Variants in PSMD7 observed in about 807,000 individuals in gnomAD.
The protein encoded by PSMD7 is 26S proteasome non-ATPase regulatory subunit 7.
Under a neutral mutation model 36.4 loss-of-function variants are expected in PSMD7, and 13 were observed. That is an observed-to-expected ratio of 0.36 (90% CI 0.23 to 0.57). The LOEUF is 0.57. PSMD7 is among the 20% of genes least tolerant of loss of function. The pLI, the probability that PSMD7 is intolerant of heterozygous loss-of-function variation, is 0.83. For synonymous variants in PSMD7, 186 were observed against 151.0 expected (o/e 1.23, Z -1.70); for missense variants, 298 against 393.6 (o/e 0.76, Z 2.06).
rs977378950 is a variant in PSMD7 at position 74,305,497 on chromosome 16, A to G, written c.739A>G (p.Lys247Glu). The stretch of plus-strand genomic sequence containing the variant: ...AGATGTCAGCCTGCAGGAGTTCGTC[A>G]AGGCCTTTTACCTGAAGACCAATGA... ...LPDVSLQEFV[K>E]AFYLKTNDQM... Residue 247 changes from lysine (K) to glutamate (E), a missense_variant, in exon 7 of 7, where the codon AAG becomes GAG. Physicochemically the swap from Lys to Glu is moderately conservative, Grantham distance 56. Transcript: ENST00000219313. The G allele has an allele frequency of 3.7e-6, 6 of 1,614,046 alleles. No homozygotes were observed. In the African/African-American group the frequency reaches 5.3e-5, roughly 14 times the overall value.
In PSMD7 at chr16:74,300,148, T is replaced by C. The variant is rs1368819083; in HGVS notation, c.108T>C (p.Val36=). 1 of 1,614,124 alleles carries C rather than the reference T, an allele frequency of 6.2e-7. No homozygotes were observed. Among genetic ancestry groups the C allele is most frequent in the East Asian group, 2.2e-5 (1 of 44,902 alleles). The change falls in exon 2 of 7, where the codon GTT becomes GTC. Residue 36 remains valine (V), a synonymous_variant. Transcript: ENST00000219313. ...IGKVGNQKRV[V]GVLLGSWQKK... ...AGGTTGGAAACCAGAAGCGTGTTGT[T>C]GGTGTGCTTTTGGGGTCATGGCAAA...
Position 74,305,532 on chromosome 16 carries a change from G to A in PSMD7, c.774G>A (p.Val258=), listed in dbSNP as rs2034188946. 6.2e-7 allele frequency: 1 copy of A among 1,614,134 alleles called. No homozygotes were observed. The highest frequency in any genetic ancestry group is 2.2e-5 in the East Asian group (1 of 44,886). The change falls in exon 7 of 7, where the codon GTG becomes GTA. Residue 258 remains valine (V), a synonymous_variant. Transcript: ENST00000219313. ...ACCTGAAGACCAATGACCAGATGGTGGTAGTGTACTTGGCCTCGCTGATCC... is the reference window on the plus strand; with the variant it reads ...ACCTGAAGACCAATGACCAGATGGTAGTAGTGTACTTGGCCTCGCTGATCC... ...AFYLKTNDQM[V]VVYLASLIRS...
At chr16:74,301,305 G>C (rs901093095) in intron 3 of PSMD7, among the ~76,000 whole-genome samples, 161 bp downstream of exon 3, 8 of 152,158 alleles carry the variant, frequency 5.3e-5, no homozygotes, top group Non-Finnish European at 4.4e-5. Context: ...AAAAACTAGA[G>C]TAGCAATTTA....
At chr16:74,298,776 A>G (rs1567524903) in intron 1 of PSMD7, among the ~76,000 whole-genome samples, 2 of 152,164 alleles carry the variant, frequency 1.3e-5, no homozygotes, top group Non-Finnish European at 2.9e-5. Flanking sequence ...CGGGAGGCTG[A>G]AGTGAGAAGA....
intron 3 of PSMD7, among the ~76,000 whole-genome samples, 197 bp downstream of exon 3, chr16:74,301,341 G>A (rs576946766): frequency 6.6e-6 from 1 of 152,226 alleles, no homozygotes; most frequent in South Asian, 2.1e-4. Context: ...CCTGGGTTTG[G>A]GTACAAGGGG....
At chr16:74,303,746 C>T (rs897443649) in intron 5 of PSMD7, among the ~76,000 whole-genome samples, 2 of 150,470 alleles carry the variant, frequency 1.3e-5, no homozygotes, top group Non-Finnish European at 3.0e-5. Flanking sequence ...TTTTTTAAGA[C>T]AATCTCACTC....
rs2034146327 is a variant in PSMD7 at position 74,300,392 on chromosome 16, A to C, written c.166+186A>C. ...AGTAAATATTTTAAACTTGCAGGCC[A>C]TGTGGTCTCCACTGCACCTGCTCCT... is the stretch of plus-strand genomic sequence containing the variant. On this transcript the variant is annotated intron_variant, in intron 2 of 6. Coordinates refer to ENST00000219313, the MANE Select transcript of PSMD7 (RefSeq NM_002811.5). 3 of 610,240 alleles carry C rather than the reference A, an allele frequency of 4.9e-6. No individual in the cohort carries two copies. The South Asian group carries it at 5.9e-5, about 12-fold the overall frequency. The allele number at this position is 610,240 out of a possible 1,614,324, so 37.8% of individuals were successfully genotyped here.
At position 74,305,790 on chromosome 16, in the gene PSMD7, G is replaced by A. The variant is rs1189239431; in HGVS notation, c.*57G>A. ...AATTAAAATCTTACAAACTAAATCA[G>A]TGTGCTGCTAGAGGGTTCTTTTTCA... On this transcript the variant is annotated 3_prime_UTR_variant, in exon 7 of 7. Coordinates refer to ENST00000219313, the MANE Select transcript of PSMD7 (RefSeq NM_002811.5). The A allele has an allele frequency of 7.1e-7, 1 of 1,400,566 alleles. No homozygotes were observed. The highest frequency in any genetic ancestry group is 9.3e-7 in the Non-Finnish European group (1 of 1,079,942). The allele number at this position is 1,400,566 out of a possible 1,614,324, so 86.8% of individuals were successfully genotyped here.
Position 74,301,485 on chromosome 16 carries a change from T to C in PSMD7, c.260-70T>C, listed in dbSNP as rs2034154570. 1.3e-5 allele frequency: 15 copies of C among 1,178,590 alleles called. No individual in the cohort carries two copies. The South Asian group carries it at 1.9e-4, about 15-fold the overall frequency. 73.0% of individuals were successfully genotyped at this position (1,178,590 alleles called of 1,614,324 possible). ...TAAAGGACATAACTACTGATGTTCT[T>C]ATCCTTTTTGAGGGAGTTGTATAGA... On this transcript the variant is annotated intron_variant, in intron 3 of 6. Transcript: ENST00000219313.
chr16:74,297,180 C>T (rs949493245), intron 1 of PSMD7, among the ~76,000 whole-genome samples, 192 bp downstream of exon 1: 3 of 152,222 alleles, frequency 2.0e-5, no homozygotes, highest in African/African-American at 7.2e-5. Flanking sequence ...CCTGCCCCAG[C>T]CGCCGCCACT....
At chr16:74,303,591 T>C (rs2034172697) in intron 5 of PSMD7, among the ~76,000 whole-genome samples, 1 of 152,194 alleles carries the variant, frequency 6.6e-6, no homozygotes. Flanking sequence ...AAGCCAACTA[T>C]TCTGATTGCA....
Position 74,305,291 on chromosome 16 carries a change from A to C in PSMD7, c.533A>C (p.Asp178Ala). 6.2e-7 allele frequency: 1 copy of C among 1,606,808 alleles called. No individual in the cohort carries two copies. The highest frequency in any genetic ancestry group is 8.5e-7 in the Non-Finnish European group (1 of 1,175,928). Residue 178 changes from aspartate (D) to alanine (A), a missense_variant and splice_region_variant, in exon 7 of 7, where the codon GAT (aspartate) becomes GCT (alanine). Coordinates refer to ENST00000219313, the MANE Select transcript of PSMD7 (RefSeq NM_002811.5). ...EEVGVEHLLRDIKDTTVGTLS... is the reference protein window; with the variant it reads ...EEVGVEHLLRAIKDTTVGTLS... ...TTTTTAACTGTGGGTTATTACAGAG[A>C]TATCAAAGACACGACGGTGGGCACT...
intron 1 of PSMD7, among the ~76,000 whole-genome samples, chr16:74,299,350 A>C (rs2034137975): frequency 6.6e-6 from 1 of 152,154 alleles, no homozygotes; most frequent in Admixed American, 6.5e-5. Flanking sequence ...AAAATTCTCA[A>C]GTAAAATCTT....
intron 5 of PSMD7, among the ~76,000 whole-genome samples, chr16:74,302,959 G>C (rs889077842): frequency 9.9e-5 from 15 of 152,208 alleles, no homozygotes; most frequent in African/African-American, 4.8e-5. Flanking sequence ...GGAGCTTAGA[G>C]CCAAATGTAT....
chr16:74,299,883 T>TA, intron 1 of PSMD7: 1 of 564,180 alleles, frequency 1.8e-6, no homozygotes, highest in East Asian at 2.9e-5. Flanking sequence ...CAAGCATGTA[T>TA]TACTTCACAG....
intron 1 of PSMD7, chr16:74,299,448 T>C: frequency 5.1e-6 from 2 of 390,452 alleles, no homozygotes; most frequent in South Asian, 3.6e-5. Context: ...CAGCTCACTG[T>C]AGCTAGCCTC....
chr16:74,298,233 TCTAGTAAGCTC>T (rs112837876), intron 1 of PSMD7, among the ~76,000 whole-genome samples: 2 of 151,380 alleles, frequency 1.3e-5, no homozygotes, highest in African/African-American at 4.8e-5. Context: ...TCAAAGGTCA[TCTAGTAAGCTC>T]ATTGTTTGAG....
At chr16:74,298,083 A>G (rs1283215407) in intron 1 of PSMD7, among the ~76,000 whole-genome samples, 13 of 147,650 alleles carry the variant, frequency 8.8e-5, no homozygotes, top group Non-Finnish European at 3.0e-5. Flanking sequence ...GCTTGAGCCC[A>G]GGAGTTCGAA....
At chr16:74,305,153 TG>T in intron 6 of PSMD7, 135 bp from the exon 7 acceptor site, 1 of 1,114,134 alleles carries the variant, frequency 9.0e-7, no homozygotes, top group Non-Finnish European at 1.2e-6. Context: ...CTTTATCAAA[TG>T]GGGAAGTGAC....
Sources: allele counts gnomAD v4.1 joint callset (sites outside exome capture counted in the v4.1 genomes callset), GRCh38; gene constraint gnomAD v4.1.1; transcripts MANE v1.5; gene names NCBI Gene and HGNC (gene_info 2026-07-23, HGNC 2026-07-21).